UNC13B: variants seen among roughly 807,000 people sequenced by gnomAD.
UNC13B encodes unc-13 homolog B.
In UNC13B, 144 loss-of-function variants were observed where a neutral mutation model predicts 211.0. The observed-to-expected ratio is 0.68, with a 90% CI of 0.60 to 0.78. UNC13B has a LOEUF of 0.78. Ranked by LOEUF, UNC13B falls within the 30% of genes least tolerant of loss-of-function variation. UNC13B has a pLI of 0.00. For missense variants in UNC13B, 1,777 were observed against 2,002.0 expected, an observed-to-expected ratio of 0.89 and a Z score of 2.14; for synonymous variants, 709 against 725.8, an observed-to-expected ratio of 0.98 and a Z score of 0.37.
intron 16 of UNC13B, 125 bp from the exon 17 acceptor site, chr9:35,378,170 T>C: frequency 2.3e-6 from 3 of 1,325,178 alleles, no homozygotes; most frequent in Non-Finnish European, 3.0e-6. Flanking sequence ...AGAATAAATA[T>C]GGAGGAATGG....
At chr9:35,330,101 A>C (rs944468263) in intron 11 of UNC13B, among the ~76,000 whole-genome samples, 1 of 152,236 alleles carries the variant, frequency 6.6e-6, no homozygotes, top group Non-Finnish European at 1.5e-5. Context: ...AATCTGAAAT[A>C]ACTAACAAAT....
intron 1 of UNC13B, among the ~76,000 whole-genome samples, chr9:35,208,715 T>C (rs897181011): frequency 6.6e-6 from 1 of 152,164 alleles, no homozygotes; most frequent in South Asian, 2.1e-4. Context: ...TGCTAAAGGC[T>C]AAAGCTTTCA....
At chr9:35,335,771 C>T (rs1389063536) in intron 11 of UNC13B, among the ~76,000 whole-genome samples, 1 of 151,532 alleles carries the variant, frequency 6.6e-6, no homozygotes, top group Non-Finnish European at 1.5e-5. Flanking sequence ...CTCACTGTAA[C>T]CTCGAACTCC....
chr9:35,389,842 C>T lies in UNC13B; in HGVS notation c.11095-4C>T, dbSNP rs1454533162. 3 of 1,614,038 alleles carry T rather than the reference C, an allele frequency of 1.9e-6. No individual in the cohort carries two copies. Among genetic ancestry groups the T allele is most frequent in the Admixed American group, 3.3e-5 (2 of 60,014 alleles). ...CTCTCTCTCACTGTGTCCTCTGGAT[C>T]AAGAAGCAGGAGCTACCTCCAGAGG... On this transcript the variant is annotated splice_polypyrimidine_tract_variant and splice_region_variant and intron_variant, in intron 24 of 39. Transcript: ENST00000635942.
intron 11 of UNC13B, among the ~76,000 whole-genome samples, chr9:35,346,782 C>T (rs1238820854): frequency 2.0e-5 from 3 of 152,174 alleles, no homozygotes; most frequent in Admixed American, 6.5e-5. Context: ...TTAAAGGAAA[C>T]TCCAAGGCTA....
At chr9:35,385,685 T>C in intron 22 of UNC13B, 39 bp from the exon 23 acceptor site, 1 of 1,551,888 alleles carries the variant, frequency 6.4e-7, no homozygotes, top group Non-Finnish European at 8.7e-7. Context: ...GTTTTCATAG[T>C]CCTCTGTTCC....
At chr9:35,203,717 G>A (rs1223071987) in intron 1 of UNC13B, among the ~76,000 whole-genome samples, 5 of 152,190 alleles carry the variant, frequency 3.3e-5, no homozygotes, top group African/African-American at 1.2e-4. Context: ...CTAACAGCCT[G>A]CATTCATATG....
At chr9:35,344,221 G>A (rs1163655789) in intron 11 of UNC13B, among the ~76,000 whole-genome samples, 2 of 152,138 alleles carry the variant, frequency 1.3e-5, no homozygotes, top group African/African-American at 4.8e-5. Context: ...TTGATGGTCT[G>A]GCAGAGACCG....
At chr9:35,259,365 T>C (rs1827123685) in intron 7 of UNC13B, among the ~76,000 whole-genome samples, 1 of 152,164 alleles carries the variant, frequency 6.6e-6, no homozygotes, top group African/African-American at 2.4e-5. Context: ...TCAGTTTAAA[T>C]ATCATCACTT....
At chr9:35,325,052 A>C (rs1830933223) in intron 11 of UNC13B, among the ~76,000 whole-genome samples, 1 of 152,222 alleles carries the variant, frequency 6.6e-6, no homozygotes, top group African/African-American at 2.4e-5. Flanking sequence ...TGGGCTCCTG[A>C]GAGATAAGAG....
At chr9:35,389,117 C>T (rs1835363464) in intron 24 of UNC13B, among the ~76,000 whole-genome samples, 2 of 152,188 alleles carry the variant, frequency 1.3e-5, no homozygotes, top group South Asian at 4.1e-4. Flanking sequence ...TCACCTTTGA[C>T]TTAGTGGGAG....
At position 35,403,920 on chromosome 9, in the gene UNC13B, G is replaced by T; in HGVS notation, c.12910G>T (p.Asp4304Tyr). The change falls in exon 40 of 40, where the codon GAT (aspartate) becomes TAT (tyrosine). Residue 4304 changes from aspartate to tyrosine, a missense_variant. Asp to Tyr is a radical substitution (Grantham distance 160, BLOSUM62 -3). Coordinates refer to ENST00000635942, the MANE Select transcript of UNC13B (RefSeq NM_001371189.2). ...WCPLGRKIHMDETGLTILRIL... is the reference protein window; with the variant it reads ...WCPLGRKIHMYETGLTILRIL... ...CCCCTTGGGCCGGAAGATCCATATG[G>T]ATGAGACAGGCCTGACCATTCTCCG... The T allele has an allele frequency of 6.2e-7, 1 of 1,614,180 alleles. No homozygotes were observed. The highest frequency in any genetic ancestry group is 8.5e-7 in the Non-Finnish European group (1 of 1,180,026).
At chr9:35,387,418 A>G (rs1835260313) in intron 24 of UNC13B, among the ~76,000 whole-genome samples, 3 of 152,204 alleles carry the variant, frequency 2.0e-5, no homozygotes, top group African/African-American at 7.2e-5. Context: ...TTTCTGTGCC[A>G]GCCATGTATT....
At chr9:35,202,000 A>G (rs113643154) in intron 1 of UNC13B, among the ~76,000 whole-genome samples, 2 of 152,228 alleles carry the variant, frequency 1.3e-5, no homozygotes, top group East Asian at 3.9e-4. Flanking sequence ...CCGTCTACAC[A>G]TTGCTTTAAA....
chr9:35,185,577 T>G (rs1277581760), intron 1 of UNC13B, among the ~76,000 whole-genome samples: 2 of 152,118 alleles, frequency 1.3e-5, no homozygotes, highest in African/African-American at 4.8e-5. Context: ...ACAGCTTTTC[T>G]CAAATCCCGC....
chr9:35,376,361 C>T, intron 15 of UNC13B, 114 bp downstream of exon 15: 1 of 1,056,476 alleles, frequency 9.5e-7, no homozygotes, highest in South Asian at 1.5e-5. Context: ...CCACCTGATT[C>T]TGAAACCCTA....
At position 35,402,081 on chromosome 9, in the gene UNC13B, C is replaced by T. The variant is rs1258669581; in HGVS notation, c.12485-1086C>T. ...CCCCTGGGAGCTAGAATGAGCAACT[C>T]GTGCTGGGGGTGGGGGAACAAGCTG... On this transcript the variant is annotated intron_variant, in intron 37 of 39. Coordinates refer to ENST00000635942, the MANE Select transcript of UNC13B (RefSeq NM_001371189.2). 15 of 1,410,888 alleles carry T rather than the reference C, an allele frequency of 1.1e-5. No individual in the cohort carries two copies. The East Asian group carries it at 2.3e-4, about 21-fold the overall frequency. 87.4% of individuals were successfully genotyped at this position (1,410,888 alleles called of 1,614,324 possible). A position where few individuals can be genotyped will look rare whatever the true frequency, so the allele number is the denominator to read the frequency against.
chr9:35,232,198 T>TTTTTTTTTTTTTTTTTTTTTTTTTGG (rs397941594), intron 3 of UNC13B, among the ~76,000 whole-genome samples: 1 of 141,272 alleles, frequency 7.1e-6, no homozygotes, highest in Non-Finnish European at 1.5e-5. Context: ...TTTTTTTTTT[T>TTTTTTTTTTTTTTTTTTTTTTTTTGG]GAGGCAGGAT....
At chr9:35,255,489 CAA>C (rs1188784061) in intron 6 of UNC13B, among the ~76,000 whole-genome samples, 2 of 152,074 alleles carry the variant, frequency 1.3e-5, no homozygotes, top group African/African-American at 4.8e-5. Context: ...TATTATTACT[CAA>C]ATCAGTCTCC....
Sources: gnomAD v4.1 joint callset for allele counts (sites outside exome capture counted in the v4.1 genomes callset) on GRCh38, gnomAD v4.1.1 for gene constraint, MANE v1.5 for transcripts, NCBI Gene and HGNC (gene_info 2026-07-23, HGNC 2026-07-21) for gene names.